The following TOX variants were observed in gnomAD, a reference collection of about 807,000 sequenced individuals.
TOX encodes the protein thymocyte selection-associated high mobility group box protein TOX.
Under a neutral mutation model 53.7 loss-of-function variants are expected in TOX, and 11 were observed. The ratio of observed to expected loss-of-function variants is 0.20; its 90% CI spans 0.13 to 0.34. The LOEUF is 0.34. Among genes scored for constraint, TOX ranks in the 10% least tolerant of loss-of-function variants. The pLI is 1.00. For missense variants in TOX, 570 were observed against 664.6 expected, an observed-to-expected ratio of 0.86 and a Z score of 1.56; for synonymous variants, 225 against 245.3, an observed-to-expected ratio of 0.92 and a Z score of 0.77.
At chr8:58,946,934 G>C (rs1812531520) in intron 2 of TOX, among the ~76,000 whole-genome samples, 1 of 152,084 alleles carries the variant, frequency 6.6e-6, no homozygotes, top group Admixed American at 6.6e-5. Context: ...GCAAATTATA[G>C]GTGATACTAG....
intron 1 of TOX, among the ~76,000 whole-genome samples, chr8:59,044,753 C>A (rs545333565): frequency 4.3e-4 from 66 of 152,082 alleles, no homozygotes; most frequent in Non-Finnish European, 8.7e-4. Flanking sequence ...AAAGACTGGA[C>A]AAAAGTTGAA....
chr8:58,882,094 A>C (rs1299770767), intron 3 of TOX, among the ~76,000 whole-genome samples: 1 of 152,236 alleles, frequency 6.6e-6, no homozygotes, highest in Non-Finnish European at 1.5e-5. Context: ...CTCCCACTTC[A>C]GTAGCCATTT....
At chr8:58,935,047 T>TAAGTCCAAATA (rs1280709659) in intron 3 of TOX, among the ~76,000 whole-genome samples, 10 of 152,224 alleles carry the variant, frequency 6.6e-5, no homozygotes, top group African/African-American at 2.4e-4. Context: ...GTCTAATATA[T>TAAGTCCAAATA]TAGGCATTTG....
intron 5 of TOX, 116 bp downstream of exon 5, chr8:58,837,965 C>A: frequency 1.1e-6 from 1 of 902,634 alleles, no homozygotes; most frequent in South Asian, 1.7e-5. Flanking sequence ...GATGGGGACA[C>A]CTTCTCAGCG....
chr8:59,026,122 G>GT (rs5891707), intron 1 of TOX, among the ~76,000 whole-genome samples: 28,502 of 150,562 alleles, frequency 0.19, 3,576 homozygotes, highest in African/African-American at 0.35. Context: ...TTAATTTTAT[G>GT]TTTTTTTTTT....
At chr8:58,844,957 A>C (rs934462889) in intron 4 of TOX, among the ~76,000 whole-genome samples, 1 of 152,142 alleles carries the variant, frequency 6.6e-6, no homozygotes, top group African/African-American at 2.4e-5. Context: ...CTTATTGGTT[A>C]ATTATAGAGA....
chr8:58,855,812 CT>C (rs1025663982), intron 3 of TOX, among the ~76,000 whole-genome samples: 7 of 152,272 alleles, frequency 4.6e-5, no homozygotes, highest in Admixed American at 3.9e-4. Context: ...CCAATTGCTC[CT>C]TTTTTACCTA....
At chr8:58,970,213 T>C (rs56220064) in intron 1 of TOX, among the ~76,000 whole-genome samples, 77,102 of 151,918 alleles carry the variant, frequency 0.51, 21,744 homozygotes, top group Non-Finnish European at 0.62. Context: ...TCCTGGAGAA[T>C]TAAGTTTTAA....
intron 1 of TOX, among the ~76,000 whole-genome samples, chr8:59,065,925 T>G (rs1804080219): frequency 6.6e-6 from 1 of 152,188 alleles, no homozygotes; most frequent in African/African-American, 2.4e-5. Flanking sequence ...CATGCGTCCA[T>G]GATTTACCAT....
intron 1 of TOX, among the ~76,000 whole-genome samples, chr8:58,986,753 G>T (rs556443399): frequency 2.6e-5 from 4 of 152,184 alleles, no homozygotes; most frequent in African/African-American, 9.6e-5. Context: ...GAACAATTAG[G>T]TACAAAGTGG....
At chr8:58,972,602 T>C (rs1471546087) in intron 1 of TOX, among the ~76,000 whole-genome samples, 1 of 152,202 alleles carries the variant, frequency 6.6e-6, no homozygotes, top group African/African-American at 2.4e-5. Flanking sequence ...ACTCTTTGTA[T>C]TTAATTGAAC....
chr8:58,967,801 T>C (rs980120223), intron 1 of TOX, among the ~76,000 whole-genome samples: 3 of 152,198 alleles, frequency 2.0e-5, no homozygotes, highest in Admixed American at 2.0e-4. Flanking sequence ...TTCCCCTCAC[T>C]CTGGTTTCCC....
intron 1 of TOX, among the ~76,000 whole-genome samples, chr8:59,024,495 T>A (rs1002607414): frequency 3.3e-5 from 5 of 152,030 alleles, no homozygotes; most frequent in African/African-American, 1.2e-4. Flanking sequence ...TTCTTAAGAG[T>A]AGGTATTTTA....
At chr8:59,092,265 T>A (rs74212313) in intron 1 of TOX, among the ~76,000 whole-genome samples, 1,941 of 89,850 alleles carry the variant, frequency 0.022, 465 homozygotes, top group African/African-American at 0.19. Flanking sequence ...TATATATATT[T>A]TATATATATA....
At chr8:58,857,074 T>C (rs994222136) in intron 3 of TOX, among the ~76,000 whole-genome samples, 6 of 152,206 alleles carry the variant, frequency 3.9e-5, no homozygotes, top group Non-Finnish European at 8.8e-5. Flanking sequence ...CCCTAGTATC[T>C]AGAACAGATC....
chr8:58,915,023 A>G (rs1295927107), intron 3 of TOX, among the ~76,000 whole-genome samples: 1 of 150,242 alleles, frequency 6.7e-6, no homozygotes, highest in Admixed American at 6.6e-5. Flanking sequence ...CCACGAGACT[A>G]TATCCCACAC....
chr8:59,061,796 G>T (rs1448624280), intron 1 of TOX, among the ~76,000 whole-genome samples: 1 of 152,034 alleles, frequency 6.6e-6, no homozygotes, highest in Non-Finnish European at 1.5e-5. Flanking sequence ...GAAGAGGAAG[G>T]CAGAGCTAGA....
At chr8:58,872,068 T>G (rs1271276162) in intron 3 of TOX, among the ~76,000 whole-genome samples, 1 of 152,074 alleles carries the variant, frequency 6.6e-6, no homozygotes, top group Non-Finnish European at 1.5e-5. Context: ...TGGAGCATTT[T>G]TTTTTCATGG....
intron 2 of TOX, among the ~76,000 whole-genome samples, chr8:58,952,875 C>A (rs112105309): frequency 0.012 from 1,892 of 152,154 alleles, 21 homozygotes; most frequent in South Asian, 0.026. Flanking sequence ...AACATTTAAC[C>A]CATCAGCAGC....
Sources: gnomAD v4.1 joint callset for allele counts (sites outside exome capture counted in the v4.1 genomes callset) on GRCh38, gnomAD v4.1.1 for gene constraint, MANE v1.5 for transcripts, NCBI Gene and HGNC (gene_info 2026-07-23, HGNC 2026-07-21) for gene names.